The following NRF1 variants were observed in gnomAD, a reference collection of about 807,000 sequenced individuals.
NRF1 encodes the protein alpha palindromic-binding protein.
A neutral mutation model predicts 58.5 loss-of-function variants in NRF1; 5 were observed. That is an observed-to-expected ratio of 0.09 (90% CI 0.04 to 0.18). NRF1 has a LOEUF of 0.18. Ranked by LOEUF, NRF1 falls within the 10% of genes least tolerant of loss-of-function variation. The pLI is 1.00. For synonymous variants in NRF1, 224 were observed against 246.7 expected (o/e 0.91, Z 0.86); for missense variants, 288 against 657.7 (o/e 0.44, Z 6.15).
intron 1 of NRF1, among the ~76,000 whole-genome samples, chr7:129,654,059 A>T (rs1801597666): frequency 6.6e-6 from 1 of 152,222 alleles, no homozygotes; most frequent in South Asian, 2.1e-4. Flanking sequence ...ACTGTCTTCC[A>T]AAGTGGCTGT....
chr7:129,642,528 A>G (rs1801313266), intron 1 of NRF1, among the ~76,000 whole-genome samples: 1 of 152,334 alleles, frequency 6.6e-6, no homozygotes, highest in African/African-American at 2.4e-5. Flanking sequence ...AAATATTTGT[A>G]ATACAGTATA....
At chr7:129,726,050 A>C (rs1803446679) in intron 9 of NRF1, among the ~76,000 whole-genome samples, 1 of 152,070 alleles carries the variant, frequency 6.6e-6, no homozygotes, top group East Asian at 1.9e-4. Flanking sequence ...ACCCACCTCC[A>C]CTTACGGCTT....
intron 4 of NRF1, among the ~76,000 whole-genome samples, chr7:129,687,487 G>T (rs1230205298): frequency 1.3e-5 from 2 of 152,074 alleles, no homozygotes; most frequent in African/African-American, 4.8e-5. Context: ...TGTTGGTCAG[G>T]CTGGTCTCGA....
chr7:129,660,485 G>A lies in NRF1; in HGVS notation c.223+2911G>A, dbSNP rs972541480. ...GTTAGTTACTTCCTAGATACAGTGG[G>A]GGTACAGGGATTGGGTAAATACAGG... is the stretch of plus-strand genomic sequence containing the variant. On this transcript the variant is annotated intron_variant, in intron 2 of 10. Coordinates refer to ENST00000393232, the MANE Select transcript of NRF1 (RefSeq NM_005011.5). Among the ~76,000 whole-genome samples the A allele has an allele frequency of 7.9e-5, 12 of 150,958 alleles. 2 individuals are homozygous for A. The highest frequency in any genetic ancestry group is 3.0e-4 in the African/African-American group (12 of 40,298).
chr7:129,652,935 G>A (rs1410159134), intron 1 of NRF1, among the ~76,000 whole-genome samples: 1 of 152,090 alleles, frequency 6.6e-6, no homozygotes, highest in Admixed American at 6.6e-5. Flanking sequence ...GGTATATAGG[G>A]TAATTTTAAA....
Position 129,688,720 on chromosome 7 carries a change from C to T in NRF1, c.466-1686C>T, listed in dbSNP as rs143063392. On this transcript the variant is annotated intron_variant, in intron 4 of 10. Coordinates refer to ENST00000393232, the MANE Select transcript of NRF1 (RefSeq NM_005011.5). ...AGAGAGAGACAAAGAGAGACAGGTG[C>T]GGAGAGGGAATGCCGGTGGAACTGC... Among the ~76,000 whole-genome samples the T allele has an allele frequency of 1.9e-4, 29 of 151,980 alleles. No homozygotes were observed. In the East Asian group the frequency reaches 3.1e-3, roughly 16 times the overall value.
chr7:129,708,763 G>A (rs1298588781), intron 5 of NRF1, among the ~76,000 whole-genome samples: 1 of 152,094 alleles, frequency 6.6e-6, no homozygotes, highest in East Asian at 1.9e-4. Context: ...AACTGTAGAA[G>A]GGAAATAAGC....
At chr7:129,626,425 AT>A (rs1220474493) in intron 1 of NRF1, among the ~76,000 whole-genome samples, 1 of 152,206 alleles carries the variant, frequency 6.6e-6, no homozygotes, top group Non-Finnish European at 1.5e-5. Context: ...CTGTAGCCAC[AT>A]CATAAGATTG....
intron 1 of NRF1, among the ~76,000 whole-genome samples, chr7:129,642,459 T>C (rs1801312209): frequency 6.6e-6 from 1 of 152,186 alleles, no homozygotes; most frequent in Non-Finnish European, 1.5e-5. Flanking sequence ...TCTGTAGACA[T>C]TTAAAAAAGA....
intron 4 of NRF1, among the ~76,000 whole-genome samples, chr7:129,688,488 T>TATAATA (rs1802491304): frequency 6.6e-6 from 1 of 152,168 alleles, no homozygotes; most frequent in Admixed American, 6.6e-5. Flanking sequence ...TTTAACCTTA[T>TATAATA]AAACCTTAAA....
intron 9 of NRF1, among the ~76,000 whole-genome samples, chr7:129,724,154 G>C (rs1245324843): frequency 1.3e-5 from 2 of 152,194 alleles, no homozygotes; most frequent in East Asian, 3.8e-4. Flanking sequence ...TCTGATAAGG[G>C]ATTGATATCC....
intron 10 of NRF1, chr7:129,734,944 G>C: frequency 1.9e-6 from 1 of 523,350 alleles, no homozygotes; most frequent in Non-Finnish European, 2.5e-6. Flanking sequence ...CTCTAACAAA[G>C]TTGAGACCAA....
chr7:129,617,855 G>A (rs1011460785), intron 1 of NRF1, among the ~76,000 whole-genome samples: 1 of 152,166 alleles, frequency 6.6e-6, no homozygotes, highest in Non-Finnish European at 1.5e-5. Context: ...GGGCTGAGAG[G>A]AAGGGCATCA....
chr7:129,685,887 T>A (rs1802432982), intron 4 of NRF1, among the ~76,000 whole-genome samples: 3 of 151,830 alleles, frequency 2.0e-5, no homozygotes, highest in Non-Finnish European at 4.4e-5. Flanking sequence ...GGTGGGCAGA[T>A]CACTTGAGGT....
chr7:129,644,940 A>G (rs1380080066), intron 1 of NRF1, among the ~76,000 whole-genome samples: 1 of 152,088 alleles, frequency 6.6e-6, no homozygotes, highest in Non-Finnish European at 1.5e-5. Flanking sequence ...GCTTTCACCC[A>G]TCCCCAAGAA....
intron 1 of NRF1, chr7:129,641,841 A>G (rs552022340): frequency 6.6e-6 from 1 of 152,116 alleles, no homozygotes; most frequent in African/African-American, 2.4e-5. Flanking sequence ...CACCACGCCC[A>G]GCTAATTTTT....
Position 129,654,625 on chromosome 7 carries a change from T to C in NRF1, c.-6-2721T>C, listed in dbSNP as rs966311758. ...ACATTTAGGTTTATGATCCATTTTGTATCAGTTTTTGTGAAGGTCTATGTC... is the reference window on the plus strand; with the variant it reads ...ACATTTAGGTTTATGATCCATTTTGCATCAGTTTTTGTGAAGGTCTATGTC... On this transcript the variant is annotated intron_variant, in intron 1 of 10. Coordinates refer to ENST00000393232, the MANE Select transcript of NRF1 (RefSeq NM_005011.5). 3.3e-5 allele frequency among the ~76,000 whole-genome samples: 5 copies of C among 152,258 alleles called. No homozygotes were observed. In the East Asian group the frequency reaches 9.6e-4, roughly 29 times the overall value.
intron 1 of NRF1, among the ~76,000 whole-genome samples, chr7:129,652,107 CAG>C (rs1801550080): frequency 1.3e-5 from 2 of 152,228 alleles, no homozygotes; most frequent in South Asian, 4.1e-4. Flanking sequence ...AGCAGTTACT[CAG>C]AGGAACAAAG....
chr7:129,647,425 CAG>C (rs1392583095), intron 1 of NRF1, among the ~76,000 whole-genome samples: 9 of 128,006 alleles, frequency 7.0e-5, no homozygotes, highest in Non-Finnish European at 1.3e-4. Context: ...TTTTTTGAGA[CAG>C]AGTCTCGCTG....
Sources: allele counts gnomAD v4.1 joint callset (sites outside exome capture counted in the v4.1 genomes callset), GRCh38; gene constraint gnomAD v4.1.1; transcripts MANE v1.5; gene names NCBI Gene and HGNC (gene_info 2026-07-23, HGNC 2026-07-21).